Variants in FAM177A1 observed in about 807,000 individuals in gnomAD.
FAM177A1 encodes the protein family with sequence similarity 177 member A1, also known as protein FAM177A1.
FAM177A1 carries 22 observed loss-of-function variants against 26.1 expected under a neutral mutation model. That is an observed-to-expected ratio of 0.84 (90% CI 0.60 to 1.20). FAM177A1 has a LOEUF of 1.20. Ranked by LOEUF, FAM177A1 falls within the 50% of genes most tolerant of loss-of-function variation. FAM177A1 has a pLI of 0.00. For missense variants in FAM177A1, 296 were observed against 291.1 expected (o/e 1.02, Z -0.12); for synonymous variants, 95 against 99.3 (o/e 0.96, Z 0.26).
chr14:35,063,605 A>C lies in FAM177A1; in HGVS notation c.339+10154A>C, dbSNP rs181538341. The stretch of plus-strand genomic sequence containing the variant: ...AAATAAATAAATAAATTTTCTCCAT[A>C]GTTCCTATTTAGTGTCATTTTCTTT... On this transcript the variant is annotated intron_variant, in intron 2 of 4. Coordinates refer to ENST00000280987, the MANE Select transcript of FAM177A1 (RefSeq NM_173607.5). Among the ~76,000 whole-genome samples the C allele has an allele frequency of 5.1e-4, 77 of 152,234 alleles. 1 individual carries two copies. The highest frequency in any genetic ancestry group is 1.7e-3 in the Admixed American group (26 of 15,266).
intron 2 of FAM177A1, among the ~76,000 whole-genome samples, chr14:35,065,357 CTTTT>C (rs1181451849): frequency 2.2e-5 from 2 of 91,884 alleles, no homozygotes; most frequent in Non-Finnish European, 2.1e-5. Context: ...TCCATTGAAT[CTTTT>C]TTTTTTTTTT....
At chr14:35,046,183 C>T (rs1172594634), upstream of FAM177A1, 2 of 290,446 alleles carry the variant, frequency 6.9e-6, no homozygotes, top group South Asian at 9.9e-5. Flanking sequence ...GATCCACGAG[C>T]TCTGGATGCT....
At chr14:35,055,441 G>GTT (rs770110194) in intron 2 of FAM177A1, among the ~76,000 whole-genome samples, 12 of 136,766 alleles carry the variant, frequency 8.8e-5, no homozygotes, top group South Asian at 2.4e-4. Context: ...TGCAATAACT[G>GTT]TTTTTTTTTT....
At chr14:35,047,196 G>A (rs1031505315) in intron 1 of FAM177A1, 1 of 184,098 alleles carries the variant, frequency 5.4e-6, no homozygotes, top group African/African-American at 2.4e-5. Flanking sequence ...TTTTCCAGTA[G>A]GCACGTTTTA....
At chr14:35,080,830 T>G (rs1440462142) in intron 4 of FAM177A1, among the ~76,000 whole-genome samples, 192 bp from the exon 5 acceptor site, 1 of 151,424 alleles carries the variant, frequency 6.6e-6, no homozygotes, top group Non-Finnish European at 1.5e-5. Flanking sequence ...TTCCTTAAAA[T>G]GTTTTACAGT....
chr14:35,046,564 G>A lies in FAM177A1; in HGVS notation c.101G>A (p.Arg34Gln), dbSNP rs1595032080. ...MDQEPVGGVE[R>Q]GEAVAASGAA... ...CAGGAGCCAGTGGGCGGTGTGGAAC[G>A]AGGAGAAGCCGTCGCAGCCTCGGGA... The change falls in exon 1 of 5, where the codon CGA (arginine) becomes CAA (glutamine). Residue 34 changes from arginine (R) to glutamine (Q), a missense_variant. Coordinates refer to ENST00000280987, the MANE Select transcript of FAM177A1 (RefSeq NM_173607.5). 6.3e-7 allele frequency: 1 copy of A among 1,579,172 alleles called. No homozygotes were observed. The highest frequency in any genetic ancestry group is 8.6e-7 in the Non-Finnish European group (1 of 1,165,378).
intron 1 of FAM177A1, chr14:35,047,027 G>C (rs2044879241): frequency 9.9e-7 from 1 of 1,009,808 alleles, no homozygotes. Flanking sequence ...CCTTTGCTTG[G>C]CATATGCCAA....
chr14:35,046,365 C>T lies in FAM177A1; in HGVS notation c.-99C>T, dbSNP rs1016668544. 1.5e-6 allele frequency: 2 copies of T among 1,342,254 alleles called. No homozygotes were observed. Among genetic ancestry groups the T allele is most frequent in the East Asian group, 3.1e-5 (1 of 32,508 alleles). 83.1% of individuals were successfully genotyped at this position (1,342,254 alleles called of 1,614,324 possible). On this transcript the variant is annotated 5_prime_UTR_variant, in exon 1 of 5. Transcript: ENST00000280987. ...CCCTCAGGCCGGCGAGTCCCCTTCT[C>T]AGAGACTTGGCTAGGCGCGGCGCGA...
chr14:35,059,995 T>C (rs2045126098), intron 2 of FAM177A1, among the ~76,000 whole-genome samples: 1 of 149,848 alleles, frequency 6.7e-6, no homozygotes, highest in Non-Finnish European at 1.5e-5. Context: ...TTTTTTAAGA[T>C]GGAGTTTCAC....
At chr14:35,076,237 A>G (rs958562312) in intron 2 of FAM177A1, among the ~76,000 whole-genome samples, 4 of 152,328 alleles carry the variant, frequency 2.6e-5, no homozygotes, top group Admixed American at 2.0e-4. Context: ...TGTGGCACAT[A>G]TACACCATGG....
intron 2 of FAM177A1, among the ~76,000 whole-genome samples, chr14:35,076,854 G>C (rs555464747): frequency 2.6e-5 from 4 of 152,170 alleles, no homozygotes; most frequent in African/African-American, 9.7e-5. Context: ...GGAAAGCTCT[G>C]GATTGTCAAC....
intron 2 of FAM177A1, among the ~76,000 whole-genome samples, chr14:35,064,044 T>G (rs2045201610): frequency 8.7e-6 from 1 of 114,366 alleles, no homozygotes; most frequent in Non-Finnish European, 1.8e-5. Flanking sequence ...CGAGACTCTG[T>G]CTCAAAAAAA....
At position 35,046,635 on chromosome 14, in the gene FAM177A1, G is replaced by GGGGCCGCCGAGGCTGACGTCCGGGGAGCC. The variant is rs758537555; in HGVS notation, c.165+9_165+37dup. On this transcript the variant is annotated splice_region_variant and intron_variant, in intron 1 of 4. Transcript: ENST00000280987. ...CGGGGAATCTGCAGGGCAGGTAGGTGGGGCCGCCGAGGCTGACGTCCGGGG... is the reference window on the plus strand; with the variant it reads ...CGGGGAATCTGCAGGGCAGGTAGGTGGGGCCGCCGAGGCTGACGTCCGGGGAGCCGGGCCGCCGAGGCTGACGTCCGGGG... The GGGGCCGCCGAGGCTGACGTCCGGGGAGCC allele has an allele frequency of 3.3e-6, 5 of 1,528,400 alleles. No individual in the cohort carries two copies. The highest frequency in any genetic ancestry group is 4.4e-6 in the Non-Finnish European group (5 of 1,134,798). The allele number at this position is 1,528,400 out of a possible 1,614,324, so 94.7% of individuals were successfully genotyped here.
chr14:35,058,362 C>T (rs2045095618), intron 2 of FAM177A1, among the ~76,000 whole-genome samples: 1 of 152,106 alleles, frequency 6.6e-6, no homozygotes, highest in Non-Finnish European at 1.5e-5. Flanking sequence ...CCGTGTCCAG[C>T]CCCTATTTAT....
intron 3 of FAM177A1, among the ~76,000 whole-genome samples, chr14:35,078,566 G>C (rs540604080): frequency 2.6e-5 from 4 of 152,114 alleles, no homozygotes; most frequent in Non-Finnish European, 5.9e-5. Flanking sequence ...TGTTCAAGCT[G>C]GTCTTGAAGT....
chr14:35,080,914 T>TC (rs200875235), intron 4 of FAM177A1, 108 bp from the exon 5 acceptor site: 11,267 of 496,800 alleles, frequency 0.023, 48 homozygotes, highest in African/African-American at 0.06. Flanking sequence ...ACATGACACT[T>TC]TTTTTTTTTT....
chr14:35,065,995 C>A (rs61125355), intron 2 of FAM177A1, among the ~76,000 whole-genome samples: 1 of 151,912 alleles, frequency 6.6e-6, no homozygotes, highest in Non-Finnish European at 1.5e-5. Flanking sequence ...AGCCACTGCA[C>A]CCTGCCTAGA....
In FAM177A1 at chr14:35,082,049, G is replaced by A. The variant is rs1339379421; in HGVS notation, c.*821G>A. On this transcript the variant is annotated 3_prime_UTR_variant, in exon 5 of 5. Coordinates refer to ENST00000280987, the MANE Select transcript of FAM177A1 (RefSeq NM_173607.5). The stretch of plus-strand genomic sequence containing the variant: ...AGATTTAATCCATCAGGAGCAATTA[G>A]ATATTGTATAAGGTGCAATGATAGC... 1 of 152,146 alleles carries A rather than the reference G, an allele frequency of 6.6e-6. No homozygotes were observed. The highest frequency in any genetic ancestry group is 1.9e-4 in the East Asian group (1 of 5,204). 9.4% of individuals were successfully genotyped at this position (152,146 alleles called of 1,614,324 possible). A position where few individuals can be genotyped will look rare whatever the true frequency, so the allele number is the denominator to read the frequency against.
chr14:35,048,713 G>A (rs2044914808), intron 1 of FAM177A1, among the ~76,000 whole-genome samples: 1 of 151,938 alleles, frequency 6.6e-6, no homozygotes, highest in Non-Finnish European at 1.5e-5. Flanking sequence ...AGGGGGTTGA[G>A]CACAGTAACA....
Sources: gnomAD v4.1 joint callset for allele counts (sites outside exome capture counted in the v4.1 genomes callset) on GRCh38, gnomAD v4.1.1 for gene constraint, MANE v1.5 for transcripts, NCBI Gene and HGNC (gene_info 2026-07-23, HGNC 2026-07-21) for gene names.